Variants in CAPN9 observed in about 807,000 individuals in gnomAD.
The protein encoded by CAPN9 is calpain-9.
A neutral mutation model predicts 92.8 loss-of-function variants in CAPN9; 81 were observed. The observed-to-expected ratio is 0.87, with a 90% confidence interval of 0.73 to 1.05. CAPN9 has a LOEUF of 1.05. CAPN9 is among the 50% of genes least tolerant of loss of function. The probability of loss-of-function intolerance (pLI) is 0.00; values close to 1 mark genes in which losing one functional copy is unlikely to be tolerated. For missense variants in CAPN9, 848 were observed against 866.2 expected (o/e 0.98, Z 0.26); for synonymous variants, 304 against 328.0 (o/e 0.93, Z 0.79).
At chr1:230,762,974 C>T (rs1665742205) in intron 4 of CAPN9, among the ~76,000 whole-genome samples, 188 bp downstream of exon 4, 1 of 152,126 alleles carries the variant, frequency 6.6e-6, no homozygotes, top group Non-Finnish European at 1.5e-5. Flanking sequence ...CTAGATGTGC[C>T]CATCTTTGGG....
chr1:230,778,731 G>T (rs1666997794), intron 8 of CAPN9, among the ~76,000 whole-genome samples: 1 of 151,998 alleles, frequency 6.6e-6, no homozygotes, highest in Non-Finnish European at 1.5e-5. Flanking sequence ...AGCCCAATTT[G>T]GTTTTTCTCT....
rs1278039996 is a variant in CAPN9 at position 230,747,479 on chromosome 1, G to C, written c.-18G>C. 1.2e-6 allele frequency: 2 copies of C among 1,610,812 alleles called. No individual in the cohort carries two copies. The highest frequency in any genetic ancestry group is 1.7e-5 in the Admixed American group (1 of 60,000). On this transcript the variant is annotated 5_prime_UTR_variant, in exon 1 of 20. Coordinates refer to ENST00000271971, the MANE Select transcript of CAPN9 (RefSeq NM_006615.3). ...TCCATCCACTGCCGGACCCAAGCCA[G>C]CCTTCCAGGGAGCAGCCATGCCTTA...
chr1:230,770,390 G>A (rs905212363), intron 6 of CAPN9, among the ~76,000 whole-genome samples: 1 of 152,150 alleles, frequency 6.6e-6, no homozygotes, highest in Non-Finnish European at 1.5e-5. Flanking sequence ...CCTACACTGG[G>A]GAGGGCAATC....
At chr1:230,792,320 C>T in intron 15 of CAPN9, 106 bp from the exon 16 acceptor site, 1 of 896,200 alleles carries the variant, frequency 1.1e-6, no homozygotes. Flanking sequence ...CCTGTGCACC[C>T]AGGCCAGCCC....
At chr1:230,783,521 T>G (rs1667370851) in intron 11 of CAPN9, among the ~76,000 whole-genome samples, 1 of 152,226 alleles carries the variant, frequency 6.6e-6, no homozygotes, top group African/African-American at 2.4e-5. Context: ...CCCCTGCTCC[T>G]GCTTTTGCCA....
chr1:230,778,284 C>A (rs1666958472), intron 8 of CAPN9, among the ~76,000 whole-genome samples: 1 of 152,186 alleles, frequency 6.6e-6, no homozygotes. Context: ...ACCTCCCATA[C>A]CATCAGCCTG....
intron 11 of CAPN9, among the ~76,000 whole-genome samples, chr1:230,783,328 G>A (rs35632803): frequency 0.17 from 25,604 of 152,208 alleles, 2,277 homozygotes; most frequent in Middle Eastern, 0.22. Flanking sequence ...GGTGATGGCT[G>A]ATTTAGTTTG....
chr1:230,784,288 A>G (rs1667428638), intron 11 of CAPN9, among the ~76,000 whole-genome samples: 1 of 152,260 alleles, frequency 6.6e-6, no homozygotes, highest in Non-Finnish European at 1.5e-5. Context: ...GCTATGGAGC[A>G]ACCACTTGCT....
In CAPN9 at chr1:230,762,713, G is replaced by C; in HGVS notation, c.463G>C (p.Asp155His). ...VIDDRLPTFR[D>H]RLVFLHSADH... The stretch of plus-strand genomic sequence containing the variant: ...CGATGACCGCCTGCCCACCTTCAGG[G>C]ACCGCTTGGTTTTCCTCCACTCTGC... Residue 155 changes from aspartate to histidine, a missense_variant, in exon 4 of 20, where the codon GAC becomes CAC. By Grantham distance (81) the Asp-to-His change is moderately conservative (BLOSUM62 -1). Transcript: ENST00000271971. 4 of 1,614,154 alleles carry C rather than the reference G, an allele frequency of 2.5e-6. No individual in the cohort carries two copies. The highest frequency in any genetic ancestry group is 2.5e-6 in the Non-Finnish European group (3 of 1,180,010).
At chr1:230,756,674 A>C (rs1386047903) in intron 2 of CAPN9, among the ~76,000 whole-genome samples, 1 of 152,166 alleles carries the variant, frequency 6.6e-6, no homozygotes, top group Non-Finnish European at 1.5e-5. Flanking sequence ...GATGGCTCAC[A>C]CTTGTAATCC....
chr1:230,775,902 G>C (rs1415463636), intron 8 of CAPN9, among the ~76,000 whole-genome samples: 1 of 142,524 alleles, frequency 7.0e-6, no homozygotes, highest in Non-Finnish European at 1.5e-5. Context: ...GGACAACAGA[G>C]TGATACTCCA....
At chr1:230,778,673 T>C (rs1260918172) in intron 8 of CAPN9, among the ~76,000 whole-genome samples, 1 of 152,112 alleles carries the variant, frequency 6.6e-6, no homozygotes. Flanking sequence ...AGGGCTTCTC[T>C]TACCTCCCTG....
At chr1:230,772,412 T>C (rs901181052) in intron 7 of CAPN9, among the ~76,000 whole-genome samples, 3 of 152,252 alleles carry the variant, frequency 2.0e-5, no homozygotes, top group African/African-American at 7.2e-5. Flanking sequence ...AAGCTTTATC[T>C]GTAGTTGTGA....
At chr1:230,800,283 A>AAC (rs1558124295) in intron 19 of CAPN9, among the ~76,000 whole-genome samples, 2 of 130,804 alleles carry the variant, frequency 1.5e-5, no homozygotes, top group Non-Finnish European at 3.3e-5. Flanking sequence ...AGAAAGAAAG[A>AAC]AAGAAAGAAA....
intron 6 of CAPN9, among the ~76,000 whole-genome samples, chr1:230,771,099 G>T (rs1666361505): frequency 1.3e-5 from 2 of 152,088 alleles, no homozygotes; most frequent in African/African-American, 4.8e-5. Flanking sequence ...CATCATCTTG[G>T]TTTGCTTGAT....
At chr1:230,762,896 G>A in intron 4 of CAPN9, 110 bp downstream of exon 4, 1 of 1,212,584 alleles carries the variant, frequency 8.2e-7, no homozygotes. Context: ...GGGTTTGCAG[G>A]TGAGGCTCGG....
chr1:230,766,032 A>T (rs1665964262), intron 4 of CAPN9, among the ~76,000 whole-genome samples: 1 of 152,184 alleles, frequency 6.6e-6, no homozygotes, highest in Non-Finnish European at 1.5e-5. Context: ...TCATGAGATG[A>T]GAGGGGAGCT....
Position 230,767,607 on chromosome 1 carries a change from G to C in CAPN9, c.603G>C (p.Gly201=). 6.2e-7 allele frequency: 1 copy of C among 1,613,922 alleles called. No individual in the cohort carries two copies. Among genetic ancestry groups the C allele is most frequent in the Non-Finnish European group, 8.5e-7 (1 of 1,179,916 alleles). Residue 201 remains glycine (G), a synonymous_variant, in exon 5 of 20, where the codon GGG becomes GGC. Transcript: ENST00000271971. ...SAIEAMEDFT[G]GVAETFQTKE... ...TCGAGGCCATGGAAGACTTCACTGG[G>C]GGTGTGGCAGAGACCTTCCAAACTA...
intron 19 of CAPN9, 71 bp from the exon 20 acceptor site, chr1:230,801,499 C>A: frequency 6.8e-7 from 1 of 1,474,138 alleles, no homozygotes; most frequent in Non-Finnish European, 9.5e-7. Context: ...AAACTGGGGC[C>A]ACTCCTGAGG....
Sources: allele counts gnomAD v4.1 joint callset (sites outside exome capture counted in the v4.1 genomes callset), GRCh38; gene constraint gnomAD v4.1.1; transcripts MANE v1.5; gene names NCBI Gene and HGNC (gene_info 2026-07-23, HGNC 2026-07-21).